IPO5: variants seen among roughly 807,000 people sequenced by gnomAD.
IPO5 encodes the protein importin 5, also known as importin-5.
Under a neutral mutation model 143.3 loss-of-function variants are expected in IPO5, and 18 were observed. The ratio of observed to expected loss-of-function variants is 0.13; its 90% CI spans 0.09 to 0.19. IPO5 has a LOEUF of 0.19. IPO5 is among the 10% of genes least tolerant of loss of function. The probability of loss-of-function intolerance (pLI) is 1.00; values close to 1 mark genes in which losing one functional copy is unlikely to be tolerated. For synonymous variants in IPO5, 477 were observed against 465.7 expected (o/e 1.02, Z -0.31); for missense variants, 1,013 against 1,336.9 (o/e 0.76, Z 3.78).
rs769113990 is a variant in IPO5, at chr13:97,965,819, C to T, written c.-112-3904C>T. On this transcript the variant is annotated intron_variant, in intron 2 of 28. Coordinates refer to ENST00000651721, the MANE Select transcript of IPO5 (RefSeq NM_002271.6). Reference sequence around the variant, plus strand: ...TGAATTCCTTAGGATTTTGTCTATACGAAATCATGTCACTTGTGAATAGAG... The same window carrying T: ...TGAATTCCTTAGGATTTTGTCTATATGAAATCATGTCACTTGTGAATAGAG... Among the ~76,000 whole-genome samples, 110 of 150,594 alleles carry T rather than the reference C, an allele frequency of 7.3e-4. 1 individual carries two copies. The highest frequency in any genetic ancestry group is 6.3e-4 in the South Asian group (3 of 4,768).
Position 97,976,738 on chromosome 13 carries a change from C to A in IPO5, c.42C>A (p.Leu14=). The change falls in exon 4 of 29, where the codon CTC becomes CTA. Residue 14 remains leucine (L), a synonymous_variant. Coordinates refer to ENST00000651721, the MANE Select transcript of IPO5 (RefSeq NM_002271.6). ...AAAEQQQFYL[L]LGNLLSPDNV... Reference sequence around the variant, plus strand: ...CGGAGCAGCAACAGTTCTACCTGCTCCTGGGAAACCTGCTCAGCCCCGACA... The same window carrying A: ...CGGAGCAGCAACAGTTCTACCTGCTACTGGGAAACCTGCTCAGCCCCGACA... 7.1e-7 allele frequency: 1 copy of A among 1,414,976 alleles called. No individual in the cohort carries two copies. 87.7% of individuals were successfully genotyped at this position (1,414,976 alleles called of 1,614,324 possible).
chr13:97,986,222 A>G (rs989731940), intron 6 of IPO5, among the ~76,000 whole-genome samples: 8 of 152,238 alleles, frequency 5.3e-5, no homozygotes, highest in Non-Finnish European at 1.2e-4. Flanking sequence ...GCACAGGCTA[A>G]TTAATGGTAT....
At chr13:97,955,676 C>T (rs1329532649) in intron 2 of IPO5, among the ~76,000 whole-genome samples, 2 of 152,080 alleles carry the variant, frequency 1.3e-5, no homozygotes, top group Admixed American at 6.6e-5. Flanking sequence ...CTGCCCAACT[C>T]GCCCCAATTT....
At chr13:98,006,041 C>A in intron 16 of IPO5, 89 bp from the exon 17 acceptor site, 1 of 842,562 alleles carries the variant, frequency 1.2e-6, no homozygotes, top group Non-Finnish European at 2.0e-6. Flanking sequence ...TTCAGAAAAG[C>A]ATTCAAGAAC....
rs1341412382 is a variant in IPO5, at chr13:98,020,977, C to T, written c.3066-15C>T. On this transcript the variant is annotated splice_polypyrimidine_tract_variant and intron_variant, in intron 27 of 28. Coordinates refer to ENST00000651721, the MANE Select transcript of IPO5 (RefSeq NM_002271.6). ...TATAAATTTCACTTACTAAGGTTTT[C>T]TTCTCATTTGTCAGTAATCATCCAA... The T allele has an allele frequency of 2.5e-6, 4 of 1,594,768 alleles. No individual in the cohort carries two copies. In the East Asian group the frequency reaches 9.2e-5, roughly 36 times the overall value.
intron 25 of IPO5, 33 bp downstream of exon 25, chr13:98,016,884 G>A (rs370041942): frequency 2.1e-5 from 30 of 1,444,530 alleles, no homozygotes; most frequent in Middle Eastern, 1.8e-4. Flanking sequence ...GTTGTTTTGC[G>A]TAGTTTACCT....
At chr13:98,010,063 A>G (rs1352345546) in intron 19 of IPO5, 40 bp from the exon 20 acceptor site, 51 of 1,613,166 alleles carry the variant, frequency 3.2e-5, no homozygotes, top group African/African-American at 9.4e-5. Flanking sequence ...TCTCTTTGTT[A>G]TTATTTTTCA....
At chr13:97,999,897 C>T (rs546780930) in intron 12 of IPO5, among the ~76,000 whole-genome samples, 1 of 152,266 alleles carries the variant, frequency 6.6e-6, no homozygotes, top group Admixed American at 6.5e-5. Context: ...ATACATGAGG[C>T]TCTTTCAATA....
intron 3 of IPO5, among the ~76,000 whole-genome samples, chr13:97,971,750 A>T (rs1459283023): frequency 6.6e-6 from 1 of 152,130 alleles, no homozygotes; most frequent in African/African-American, 2.4e-5. Flanking sequence ...GGAGTTCAAG[A>T]CTGTCCTGGG....
At position 98,018,767 on chromosome 13, in the gene IPO5, T is replaced by G. The variant is rs768315320; in HGVS notation, c.2836+63T>G. ...GACATCCTGTGAATCCCTACTTTAC[T>G]CTCTTTACCACACTCCCAAACATTA... On this transcript the variant is annotated intron_variant, in intron 26 of 28. Transcript: ENST00000651721. 7 of 1,203,128 alleles carry G rather than the reference T, an allele frequency of 5.8e-6. No individual in the cohort carries two copies. The Admixed American group carries it at 1.1e-4, about 19-fold the overall frequency. The allele number at this position is 1,203,128 out of a possible 1,614,324, so 74.5% of individuals were successfully genotyped here.
Position 98,010,171 on chromosome 13 carries a change from T to G in IPO5, c.2002T>G (p.Phe668Val). 6.2e-7 allele frequency: 1 copy of G among 1,614,146 alleles called. No homozygotes were observed. The highest frequency in any genetic ancestry group is 8.5e-7 in the Non-Finnish European group (1 of 1,179,998). ...TGTGAACCTTGGAGATCAGCAAAGC[T>G]TTGGTATTAAAACTGCAGGACTAGA... ...EFVNLGDQQSFGIKTAGLEEK... is the reference protein window; with the variant it reads ...EFVNLGDQQSVGIKTAGLEEK... The change falls in exon 20 of 29, where the codon TTT becomes GTT. Residue 668 changes from phenylalanine to valine, a missense_variant. Coordinates refer to ENST00000651721, the MANE Select transcript of IPO5 (RefSeq NM_002271.6).
chr13:97,975,309 T>G (rs879440581), intron 3 of IPO5, among the ~76,000 whole-genome samples: 40 of 152,086 alleles, frequency 2.6e-4, no homozygotes, highest in Non-Finnish European at 5.0e-4. Flanking sequence ...GCCAACTTGG[T>G]GAAACCCCGT....
chr13:97,970,022 T>C, intron 3 of IPO5, 192 bp downstream of exon 3: 2 of 570,850 alleles, frequency 3.5e-6, no homozygotes, highest in East Asian at 6.0e-5. Flanking sequence ...TAAATGTCAA[T>C]GTACAAAGTA....
intron 4 of IPO5, among the ~76,000 whole-genome samples, chr13:97,978,391 A>T (rs909858393): frequency 1.3e-5 from 2 of 152,194 alleles, no homozygotes; most frequent in Admixed American, 6.5e-5. Context: ...CCTCTATGAA[A>T]TGGATATTGC....
Position 98,018,708 on chromosome 13 carries a change from C to T in IPO5, c.2836+4C>T, listed in dbSNP as rs769355924. The T allele has an allele frequency of 5.0e-6, 8 of 1,608,628 alleles. 1 individual carries two copies. The Middle Eastern group carries it at 4.9e-4, about 99-fold the overall frequency. On this transcript the variant is annotated splice_donor_region_variant and intron_variant, in intron 26 of 28. Transcript: ENST00000651721. Reference sequence around the variant, plus strand: ...AATTATCGCCCTTTTTGTACAGGTACGTTTGCTTATTCCGTTACGTGCATT... The same window carrying T: ...AATTATCGCCCTTTTTGTACAGGTATGTTTGCTTATTCCGTTACGTGCATT...
intron 2 of IPO5, among the ~76,000 whole-genome samples, chr13:97,961,494 G>A (rs1884880225): frequency 6.6e-6 from 1 of 152,202 alleles, no homozygotes; most frequent in South Asian, 2.1e-4. Context: ...ACCACACCCA[G>A]CTTATTCAGA....
chr13:98,006,548 G>A (rs1190873540), intron 17 of IPO5, among the ~76,000 whole-genome samples, 200 bp downstream of exon 17: 2 of 151,102 alleles, frequency 1.3e-5, no homozygotes, highest in Admixed American at 6.6e-5. Flanking sequence ...CTAATTTTTT[G>A]TATTTTTAGT....
chr13:97,992,868 G>T, intron 9 of IPO5, 24 bp from the exon 10 acceptor site: 1 of 1,592,042 alleles, frequency 6.3e-7, no homozygotes, highest in South Asian at 1.1e-5. Context: ...CTTCAGCACC[G>T]ACTTTCTGTT....
intron 11 of IPO5, among the ~76,000 whole-genome samples, chr13:97,994,008 T>A (rs532789202): frequency 1.3e-5 from 2 of 152,196 alleles, no homozygotes; most frequent in Non-Finnish European, 2.9e-5. Flanking sequence ...AAATAAGTTA[T>A]AAGCATTAGA....
Sources: gnomAD v4.1 joint callset for allele counts (sites outside exome capture counted in the v4.1 genomes callset) on GRCh38, gnomAD v4.1.1 for gene constraint, MANE v1.5 for transcripts, NCBI Gene and HGNC (gene_info 2026-07-23, HGNC 2026-07-21) for gene names.